Variants in SLC43A1 observed in about 807,000 individuals in gnomAD.
SLC43A1 encodes large neutral amino acids transporter small subunit 3.
A neutral mutation model predicts 59.5 loss-of-function variants in SLC43A1; 31 were observed. That is an observed-to-expected ratio of 0.52 (90% CI 0.39 to 0.70). The LOEUF (loss-of-function observed/expected upper bound fraction) is 0.70. SLC43A1 is among the 30% of genes least tolerant of loss of function. The probability of loss-of-function intolerance (pLI) is 0.00; values close to 1 mark genes in which losing one functional copy is unlikely to be tolerated. For synonymous variants in SLC43A1, 259 were observed against 290.9 expected (o/e 0.89, Z 1.12); for missense variants, 598 against 717.8 (o/e 0.83, Z 1.91).
chr11:57,509,677 G>T (rs554602958), intron 2 of SLC43A1, among the ~76,000 whole-genome samples: 9 of 132,952 alleles, frequency 6.8e-5, no homozygotes, highest in African/African-American at 2.3e-4. Context: ...AGGGAAGGAG[G>T]GAGGGAGGGA....
chr11:57,505,223 A>C (rs1465672993), intron 2 of SLC43A1, among the ~76,000 whole-genome samples: 1 of 152,226 alleles, frequency 6.6e-6, no homozygotes, highest in Non-Finnish European at 1.5e-5. Flanking sequence ...TATTAAAAAC[A>C]TACATTGGCC....
chr11:57,497,655 C>A (rs563359879), intron 6 of SLC43A1, 98 bp downstream of exon 6: 3 of 782,992 alleles, frequency 3.8e-6, no homozygotes, highest in African/African-American at 3.5e-5. Flanking sequence ...GAAAGGAGAG[C>A]GGAGAAGTCA....
intron 6 of SLC43A1, among the ~76,000 whole-genome samples, chr11:57,497,377 T>TG: frequency 6.6e-6 from 1 of 152,228 alleles, no homozygotes; most frequent in African/African-American, 2.4e-5. Context: ...CTGGAAGGTG[T>TG]GGAAAAATGT....
At chr11:57,503,122 A>G (rs935713268) in intron 2 of SLC43A1, among the ~76,000 whole-genome samples, 1 of 152,064 alleles carries the variant, frequency 6.6e-6, no homozygotes, top group African/African-American at 2.4e-5. Flanking sequence ...TTGACCAGCC[A>G]TGGAAGGAAC....
chr11:57,511,416 A>T (rs1944542479), intron 2 of SLC43A1, among the ~76,000 whole-genome samples: 1 of 152,008 alleles, frequency 6.6e-6, no homozygotes, highest in South Asian at 2.1e-4. Context: ...TCACTGAGTG[A>T]GAGACCCTGT....
intron 7 of SLC43A1, 191 bp from the exon 8 acceptor site, chr11:57,494,362 T>C (rs1944016481): frequency 1.9e-6 from 1 of 540,304 alleles, no homozygotes; most frequent in Non-Finnish European, 3.2e-6. Context: ...TTAGCACAGA[T>C]GCCAAGTAAA....
chr11:57,485,715 A>G (rs1315663748), intron 14 of SLC43A1, among the ~76,000 whole-genome samples: 1 of 152,056 alleles, frequency 6.6e-6, no homozygotes, highest in Non-Finnish European at 1.5e-5. Flanking sequence ...GCGGGCTCTG[A>G]CTCGGTTCAC....
chr11:57,502,009 G>A (rs1176580234), intron 2 of SLC43A1, among the ~76,000 whole-genome samples: 1 of 152,228 alleles, frequency 6.6e-6, no homozygotes, highest in Non-Finnish European at 1.5e-5. Context: ...TTCCCTAGGT[G>A]ATGAAGCTGA....
At chr11:57,489,980 C>T (rs1414148082) in intron 11 of SLC43A1, among the ~76,000 whole-genome samples, 3 of 152,122 alleles carry the variant, frequency 2.0e-5, no homozygotes, top group Non-Finnish European at 2.9e-5. Context: ...CAGAAGGGCC[C>T]TGCTAGGGGA....
At chr11:57,500,908 A>T in intron 4 of SLC43A1, 53 bp from the exon 5 acceptor site, 1 of 1,608,866 alleles carries the variant, frequency 6.2e-7, no homozygotes, top group Non-Finnish European at 8.5e-7. Flanking sequence ...TGGGAAGCCA[A>T]GGGCGGGAGC....
chr11:57,493,759 G>A (rs1362081480), intron 8 of SLC43A1, among the ~76,000 whole-genome samples: 1 of 152,194 alleles, frequency 6.6e-6, no homozygotes, highest in African/African-American at 2.4e-5. Context: ...CATTTTGGAA[G>A]CTCCTCCCTC....
chr11:57,505,370 G>A (rs1042184009), intron 2 of SLC43A1, among the ~76,000 whole-genome samples: 4 of 151,986 alleles, frequency 2.6e-5, no homozygotes, highest in Admixed American at 6.6e-5. Context: ...ACATTAGCCG[G>A]GTGTAGTGGT....
chr11:57,487,006 A>G, intron 14 of SLC43A1, 89 bp downstream of exon 14: 2 of 1,428,914 alleles, frequency 1.4e-6, no homozygotes, highest in Non-Finnish European at 1.9e-6. Context: ...TCTGGCTGAG[A>G]TGAGTGAGGG....
In SLC43A1 at chr11:57,484,842, CAAG is replaced by C; in HGVS notation, c.*251_*253del. On this transcript the variant is annotated 3_prime_UTR_variant, in exon 15 of 15. Coordinates refer to ENST00000278426, the MANE Select transcript of SLC43A1 (RefSeq NM_003627.6). ...AGAGGCACCCTGGTCTCCTCCAACC[CAAG>C]GAGGAAGAAGGCTCAACCCCTCTAG... The C allele has an allele frequency of 2.5e-6, 1 of 396,802 alleles. No homozygotes were observed. The highest frequency in any genetic ancestry group is 7.1e-4 in the Middle Eastern group (1 of 1,416). The allele number at this position is 396,802 out of a possible 1,614,324, so 24.6% of individuals were successfully genotyped here.
intron 2 of SLC43A1, among the ~76,000 whole-genome samples, chr11:57,502,519 G>C (rs1245524375): frequency 1.3e-5 from 2 of 152,074 alleles, no homozygotes; most frequent in Non-Finnish European, 2.9e-5. Flanking sequence ...CTAGGAGCTG[G>C]GCATCCACAC....
At chr11:57,491,507 C>CA in intron 10 of SLC43A1, 84 bp downstream of exon 10, 3 of 1,595,428 alleles carry the variant, frequency 1.9e-6, no homozygotes, top group Admixed American at 1.7e-5. Context: ...CCTGGGTGGG[C>CA]CCAGGCCTAG....
intron 11 of SLC43A1, among the ~76,000 whole-genome samples, chr11:57,490,654 T>C (rs1247423150): frequency 3.3e-5 from 5 of 152,248 alleles, no homozygotes; most frequent in Non-Finnish European, 7.3e-5. Flanking sequence ...AGCCTGACTA[T>C]GTCTTCATGA....
At chr11:57,485,392 TA>T (rs1313570360) in intron 14 of SLC43A1, 150 bp from the exon 15 acceptor site, 67 of 769,410 alleles carry the variant, frequency 8.7e-5, no homozygotes, top group Middle Eastern at 3.4e-4. Context: ...GTTCCACCAG[TA>T]TCTCACTTAA....
Position 57,503,658 on chromosome 11 carries a change from T to C in SLC43A1, c.155-2329A>G, listed in dbSNP as rs143558678. ...TTTATCTGCATTGGTTTATTCATTC[T>C]ACACCCACTTACTGGATATTTACTA... On this transcript the variant is annotated intron_variant, in intron 2 of 14. Transcript: ENST00000278426. 5.5e-4 allele frequency among the ~76,000 whole-genome samples: 84 copies of C among 152,288 alleles called. No homozygotes were observed. The Middle Eastern group carries it at 0.017, about 31-fold the overall frequency.
Sources: gnomAD v4.1 joint callset for allele counts (sites outside exome capture counted in the v4.1 genomes callset) on GRCh38, gnomAD v4.1.1 for gene constraint, MANE v1.5 for transcripts, NCBI Gene and HGNC (gene_info 2026-07-23, HGNC 2026-07-21) for gene names.